CALN1: variants seen among roughly 807,000 people sequenced by gnomAD.
CALN1 encodes calneuron 1, also known as calcium-binding protein 8.
A neutral mutation model predicts 30.6 loss-of-function variants in CALN1; 17 were observed. The observed-to-expected ratio is 0.56, with a 90% CI of 0.38 to 0.83. The LOEUF (loss-of-function observed/expected upper bound fraction) is 0.83, where lower values mean the gene tolerates loss of function less well. Ranked by LOEUF, CALN1 falls within the 40% of genes least tolerant of loss-of-function variation. CALN1 has a pLI of 0.00. For synonymous variants in CALN1, 156 were observed against 131.4 expected (o/e 1.19, Z -1.28); for missense variants, 291 against 354.9 (o/e 0.82, Z 1.45).
intron 4 of CALN1, among the ~76,000 whole-genome samples, chr7:72,033,165 C>T (rs551657423): frequency 4.8e-4 from 65 of 136,722 alleles, no homozygotes; most frequent in African/African-American, 1.8e-3. Flanking sequence ...TTCCCCACTG[C>T]TATGTGAGTC....
chr7:72,407,010 G>C (rs1806741309), intron 1 of CALN1, among the ~76,000 whole-genome samples: 1 of 152,102 alleles, frequency 6.6e-6, no homozygotes, highest in African/African-American at 2.4e-5. Flanking sequence ...TCAGGGCTCA[G>C]ACCAGTAGGA....
At chr7:71,969,574 T>A (rs1411366784) in intron 5 of CALN1, among the ~76,000 whole-genome samples, 2 of 152,174 alleles carry the variant, frequency 1.3e-5, no homozygotes, top group South Asian at 2.1e-4. Context: ...GAATCTACCA[T>A]GCTTTATTCA....
intron 5 of CALN1, among the ~76,000 whole-genome samples, chr7:71,921,217 G>C (rs927347629): frequency 6.6e-5 from 10 of 152,122 alleles, no homozygotes; most frequent in Admixed American, 2.0e-4. Context: ...TCAGGGAGTG[G>C]GGGTCTAGGG....
intron 3 of CALN1, among the ~76,000 whole-genome samples, chr7:72,139,295 C>T (rs1186835288): frequency 1.3e-5 from 2 of 152,024 alleles, no homozygotes; most frequent in Non-Finnish European, 2.9e-5. Context: ...AGCACCTCGG[C>T]CACACCCACC....
chr7:71,959,620 AG>A (rs1325514639), intron 5 of CALN1, among the ~76,000 whole-genome samples: 1 of 127,586 alleles, frequency 7.8e-6, no homozygotes, highest in Non-Finnish European at 1.6e-5. Context: ...TTACCTTTCC[AG>A]CTTTTTTTTT....
At chr7:72,065,082 GTTAATA>G (rs1435249031) in intron 4 of CALN1, among the ~76,000 whole-genome samples, 14 of 147,754 alleles carry the variant, frequency 9.5e-5, no homozygotes, top group African/African-American at 3.4e-4. Flanking sequence ...ATATTTATAT[GTTAATA>G]TTAATATATG....
chr7:72,413,621 TAC>T (rs1164919793), upstream of CALN1, among the ~76,000 whole-genome samples: 1 of 151,100 alleles, frequency 6.6e-6, no homozygotes, highest in Non-Finnish European at 1.5e-5. Flanking sequence ...CATACATATA[TAC>T]ACTCTCACTA....
At chr7:72,000,844 T>C (rs1799490634) in intron 5 of CALN1, among the ~76,000 whole-genome samples, 1 of 152,170 alleles carries the variant, frequency 6.6e-6, no homozygotes, top group Non-Finnish European at 1.5e-5. Context: ...ACACCATGAC[T>C]GTTACAGTAG....
intron 1 of CALN1, among the ~76,000 whole-genome samples, chr7:72,406,483 T>C (rs1806701637): frequency 6.6e-6 from 1 of 152,194 alleles, no homozygotes; most frequent in African/African-American, 2.4e-5. Context: ...ATTTGTCCTC[T>C]AAAGTCCATT....
intron 6 of CALN1, among the ~76,000 whole-genome samples, chr7:71,791,775 C>T (rs532160324): frequency 1.4e-4 from 21 of 152,212 alleles, no homozygotes; most frequent in South Asian, 2.1e-4. Context: ...TTTGGGAGGC[C>T]GAGGCGGGCG....
chr7:71,799,997 C>T (rs1347472630), intron 6 of CALN1, among the ~76,000 whole-genome samples: 1 of 152,178 alleles, frequency 6.6e-6, no homozygotes, highest in Non-Finnish European at 1.5e-5. Flanking sequence ...GAACTGCGAA[C>T]AGATGGTGTT....
chr7:71,878,150 C>G (rs574680393), intron 5 of CALN1, among the ~76,000 whole-genome samples: 2 of 152,242 alleles, frequency 1.3e-5, no homozygotes, highest in East Asian at 3.9e-4. Context: ...CTAGAAAAGC[C>G]AGGAATTAGC....
intron 3 of CALN1, among the ~76,000 whole-genome samples, chr7:72,210,670 T>C (rs1792325155): frequency 6.6e-6 from 1 of 152,020 alleles, no homozygotes; most frequent in Admixed American, 6.6e-5. Flanking sequence ...GAACTCACTA[T>C]CACAAGAAAA....
At chr7:72,151,592 C>A (rs576224593) in intron 3 of CALN1, among the ~76,000 whole-genome samples, 7 of 152,240 alleles carry the variant, frequency 4.6e-5, no homozygotes, top group African/African-American at 1.4e-4. Flanking sequence ...CTTGGGGGAC[C>A]CTTTCCAATG....
intron 2 of CALN1, among the ~76,000 whole-genome samples, chr7:72,386,503 A>G (rs1300128460): frequency 6.6e-6 from 1 of 152,366 alleles, no homozygotes; most frequent in African/African-American, 2.4e-5. Context: ...CTAGACCTAA[A>G]CAAGCAAATA....
intron 2 of CALN1, among the ~76,000 whole-genome samples, chr7:72,352,152 G>A (rs1802954532): frequency 6.6e-6 from 1 of 150,874 alleles, no homozygotes; most frequent in Non-Finnish European, 1.5e-5. Flanking sequence ...GGGTGACACA[G>A]CGAGACTCCG....
At chr7:72,374,892 T>C (rs904979454) in intron 2 of CALN1, among the ~76,000 whole-genome samples, 1 of 151,778 alleles carries the variant, frequency 6.6e-6, no homozygotes, top group Admixed American at 6.6e-5. Context: ...ACCTGAATAC[T>C]ACTGGGATCA....
intron 3 of CALN1, among the ~76,000 whole-genome samples, chr7:72,262,534 C>T (rs1033587545): frequency 7.2e-5 from 11 of 152,108 alleles, no homozygotes; most frequent in African/African-American, 2.7e-4. Context: ...TCCTCAGTGT[C>T]TATTGTTTCC....
At chr7:71,844,216 CTA>C (rs952383895) in intron 5 of CALN1, among the ~76,000 whole-genome samples, 1 of 152,148 alleles carries the variant, frequency 6.6e-6, no homozygotes, top group African/African-American at 2.4e-5. Context: ...TGATGGTGAT[CTA>C]TGTCATTCCA....
Sources: allele counts gnomAD v4.1 joint callset (sites outside exome capture counted in the v4.1 genomes callset), GRCh38; gene constraint gnomAD v4.1.1; transcripts MANE v1.5; gene names NCBI Gene and HGNC (gene_info 2026-07-23, HGNC 2026-07-21).